Variants in POLA2 observed in about 807,000 individuals in gnomAD.
The protein encoded by POLA2 is DNA polymerase alpha 2, accessory subunit, also known as DNA polymerase alpha subunit B.
POLA2 carries 47 observed loss-of-function variants against 82.8 expected under a neutral mutation model. That is an observed-to-expected ratio of 0.57 (90% CI 0.45 to 0.72). The LOEUF (loss-of-function observed/expected upper bound fraction) is 0.72, where lower values mean the gene tolerates loss of function less well. Ranked by LOEUF, POLA2 falls within the 30% of genes least tolerant of loss-of-function variation. The probability of loss-of-function intolerance (pLI) is 0.00; values close to 1 mark genes in which losing one functional copy is unlikely to be tolerated. For missense variants in POLA2, 634 were observed against 728.1 expected, an observed-to-expected ratio of 0.87 and a Z score of 1.49; for synonymous variants, 287 against 286.8, an observed-to-expected ratio of 1.00 and a Z score of -0.01.
chr11:65,268,334 G>A (rs1949484151), intron 3 of POLA2, among the ~76,000 whole-genome samples: 1 of 151,366 alleles, frequency 6.6e-6, no homozygotes, highest in African/African-American at 2.4e-5. Context: ...TGCCTTATAT[G>A]AAAGTTTATT....
In POLA2 at chr11:65,266,640, A is replaced by T. The variant is rs773637924; in HGVS notation, c.138A>T (p.Ile46=). The T allele has an allele frequency of 1.2e-6, 2 of 1,614,008 alleles. No individual in the cohort carries two copies. Among genetic ancestry groups the T allele is most frequent in the Non-Finnish European group, 1.7e-6 (2 of 1,179,840 alleles). The change falls in exon 2 of 18, where the codon ATA becomes ATT. Residue 46 remains isoleucine, a synonymous_variant. Coordinates refer to ENST00000265465, the MANE Select transcript of POLA2 (RefSeq NM_002689.4). The part of the protein sequence containing the change: ...QNEEGMVGEL[I]AFCTSTHKVG... ...AGGAGGGAATGGTAGGCGAGCTTAT[A>T]GCCTTCTGCACCAGCACACATAAAG...
chr11:65,269,129 T>C lies in POLA2; in HGVS notation c.354+400T>C, dbSNP rs186014537. 5.9e-5 allele frequency among the ~76,000 whole-genome samples: 9 copies of C among 152,320 alleles called. No homozygotes were observed. In the East Asian group the frequency reaches 1.7e-3, roughly 29 times the overall value. On this transcript the variant is annotated intron_variant, in intron 4 of 17. Coordinates refer to ENST00000265465, the MANE Select transcript of POLA2 (RefSeq NM_002689.4). ...CTAGGTGACCTGGAGTGAGTTGTTT[T>C]ATCTCTCTGAGACAGTTTCCTTATC...
chr11:65,294,532 CG>C lies in POLA2; in HGVS notation c.1354-13del. The C allele has an allele frequency of 6.3e-7, 1 of 1,591,346 alleles. No homozygotes were observed. The highest frequency in any genetic ancestry group is 8.6e-7 in the Non-Finnish European group (1 of 1,162,258). Reference sequence around the variant, plus strand: ...TGGCATACAAATGTTTGTTTCAATCCGTTCTCATTTTAGCAAGTACAGTTTG... The same window carrying C: ...TGGCATACAAATGTTTGTTTCAATCCTTCTCATTTTAGCAAGTACAGTTTG... On this transcript the variant is annotated splice_polypyrimidine_tract_variant and intron_variant, in intron 14 of 17. Coordinates refer to ENST00000265465, the MANE Select transcript of POLA2 (RefSeq NM_002689.4).
intron 10 of POLA2, among the ~76,000 whole-genome samples, chr11:65,285,646 A>G (rs1949689424): frequency 6.6e-6 from 1 of 152,112 alleles, no homozygotes; most frequent in East Asian, 1.9e-4. Context: ...GCATGCTGGT[A>G]TTAGGTCAAC....
intron 10 of POLA2, among the ~76,000 whole-genome samples, chr11:65,285,271 A>G (rs1165718981): frequency 6.6e-6 from 1 of 152,078 alleles, no homozygotes; most frequent in Non-Finnish European, 1.5e-5. Flanking sequence ...TTGGCTTGGC[A>G]GCGTGTGCCT....
chr11:65,297,122 T>C lies in POLA2; in HGVS notation c.1650T>C (p.Asp550=), dbSNP rs1465873803. The C allele has an allele frequency of 6.2e-7, 1 of 1,613,892 alleles. No individual in the cohort carries two copies. Among genetic ancestry groups the C allele is most frequent in the African/African-American group, 1.3e-5 (1 of 74,878 alleles). Residue 550 remains aspartate, a splice_region_variant and synonymous_variant, in exon 18 of 18, where the codon GAT becomes GAC. Coordinates refer to ENST00000265465, the MANE Select transcript of POLA2 (RefSeq NM_002689.4). ...IPSELRYFVK[D]VLGCVCVNPG... is the part of the protein sequence containing the mutation. Reference sequence around the variant, plus strand: ...GTCACCTCTCCTCTCCTCCCCAGGATGTCCTCGGCTGTGTCTGTGTGAACC... The same window carrying C: ...GTCACCTCTCCTCTCCTCCCCAGGACGTCCTCGGCTGTGTCTGTGTGAACC...
In POLA2 at chr11:65,279,617, C is replaced by A; in HGVS notation, c.735C>A (p.Ala245=). ...TTGAAGCTTTCACTCCTTTGCTAGC[C>A]CCAGCACAGGTAAGAGTTGTTCTAA... ...YKIEAFTPLL[A]PAQEPVTLLG... is the part of the protein sequence containing the mutation. The change falls in exon 7 of 18, where the codon GCC becomes GCA. Residue 245 remains alanine, a synonymous_variant. Coordinates refer to ENST00000265465, the MANE Select transcript of POLA2 (RefSeq NM_002689.4). 1 of 1,609,128 alleles carries A rather than the reference C, an allele frequency of 6.2e-7. No homozygotes were observed. The highest frequency in any genetic ancestry group is 8.5e-7 in the Non-Finnish European group (1 of 1,175,790).
intron 10 of POLA2, among the ~76,000 whole-genome samples, chr11:65,282,894 C>T (rs1949656149): frequency 6.6e-6 from 1 of 152,156 alleles, no homozygotes; most frequent in Non-Finnish European, 1.5e-5. Flanking sequence ...TTTGGGAGGC[C>T]AAGGTGGGAG....
rs141287498 is a variant in POLA2 at position 65,297,187 on chromosome 11, C to T, written c.1715C>T (p.Ala572Val). The change falls in exon 18 of 18, where the codon GCC becomes GTC. Residue 572 changes from alanine to valine, a missense_variant. By Grantham distance (64) the Ala-to-Val change is moderately conservative. Coordinates refer to ENST00000265465, the MANE Select transcript of POLA2 (RefSeq NM_002689.4). ...LTKGQVGGTFARLYLRRPAAD... is the reference protein window; with the variant it reads ...LTKGQVGGTFVRLYLRRPAAD... ...AAAGGGCAGGTGGGAGGCACCTTCG[C>T]CCGACTCTACCTTAGGAGGCCGGCA... is the stretch of plus-strand genomic sequence containing the variant. 6.2e-7 allele frequency: 1 copy of T among 1,614,032 alleles called. No individual in the cohort carries two copies. Among genetic ancestry groups the T allele is most frequent in the African/African-American group, 1.3e-5 (1 of 74,932 alleles).
At chr11:65,281,577 A>T in intron 8 of POLA2, 93 bp from the exon 9 acceptor site, 1 of 872,172 alleles carries the variant, frequency 1.1e-6, no homozygotes, top group Non-Finnish European at 1.9e-6. Context: ...GAATGAGAGT[A>T]GTTGGACAAT....
chr11:65,290,610 T>TC (rs1163304901), intron 13 of POLA2, among the ~76,000 whole-genome samples: 1 of 152,206 alleles, frequency 6.6e-6, no homozygotes, highest in African/African-American at 2.4e-5. Flanking sequence ...CCCTTGAACT[T>TC]CAAGTGCAAG....
chr11:65,297,346 A>T lies in POLA2; in HGVS notation c.*77A>T. 2 of 1,466,392 alleles carry T rather than the reference A, an allele frequency of 1.4e-6. No individual in the cohort carries two copies. The highest frequency in any genetic ancestry group is 1.8e-6 in the Non-Finnish European group (2 of 1,106,038). The allele number at this position is 1,466,392 out of a possible 1,614,324, so 90.8% of individuals were successfully genotyped here. A position where few individuals can be genotyped will look rare whatever the true frequency, so the allele number is the denominator to read the frequency against. On this transcript the variant is annotated 3_prime_UTR_variant, in exon 18 of 18. Coordinates refer to ENST00000265465, the MANE Select transcript of POLA2 (RefSeq NM_002689.4). The stretch of plus-strand genomic sequence containing the variant: ...AAGAGCCAAGACATAGCCCTGTGAC[A>T]AGGTGAACAGTTGGGTGGGAAAGGA...
intron 7 of POLA2, chr11:65,280,586 A>C (rs1381137930): frequency 6.1e-6 from 1 of 163,486 alleles, no homozygotes; most frequent in East Asian, 1.8e-4. Flanking sequence ...AAAATGCCTA[A>C]GAATACATTT....
Position 65,297,205 on chromosome 11 carries a change from G to A in POLA2, c.1733G>A (p.Arg578Lys), listed in dbSNP as rs921966767. The A allele has an allele frequency of 1.2e-6, 2 of 1,613,924 alleles. No individual in the cohort carries two copies. Among genetic ancestry groups the A allele is most frequent in the African/African-American group, 2.7e-5 (2 of 74,920 alleles). Residue 578 changes from arginine (R) to lysine (K), a missense_variant, in exon 18 of 18, where the codon AGG becomes AAG. By Grantham distance (26) the Arg-to-Lys change is conservative. Transcript: ENST00000265465. ...GGTFARLYLR[R>K]PAADGAERQS... Reference sequence around the variant, plus strand: ...ACCTTCGCCCGACTCTACCTTAGGAGGCCGGCAGCGGACGGGGCAGAGAGG... The same window carrying A: ...ACCTTCGCCCGACTCTACCTTAGGAAGCCGGCAGCGGACGGGGCAGAGAGG...
chr11:65,294,429 T>C (rs1204785073), intron 14 of POLA2, 117 bp from the exon 15 acceptor site: 3 of 992,488 alleles, frequency 3.0e-6, no homozygotes, highest in African/African-American at 1.6e-5. Flanking sequence ...GCTTGATGTA[T>C]GTTGGTTTGG....
At chr11:65,270,900 CAA>C (rs1370645900) in intron 4 of POLA2, among the ~76,000 whole-genome samples, 1 of 152,172 alleles carries the variant, frequency 6.6e-6, no homozygotes, top group Non-Finnish European at 1.5e-5. Context: ...TCCTGATATG[CAA>C]AGTTTGAACC....
At chr11:65,263,956 G>T (rs532454573) in intron 1 of POLA2, among the ~76,000 whole-genome samples, 1 of 152,360 alleles carries the variant, frequency 6.6e-6, no homozygotes, top group African/African-American at 2.4e-5. Context: ...CAAGATGCCA[G>T]TTGCTTTCAT....
chr11:65,282,671 G>A, intron 10 of POLA2, 150 bp downstream of exon 10: 1 of 698,956 alleles, frequency 1.4e-6, no homozygotes, highest in Non-Finnish European at 2.5e-6. Flanking sequence ...GAGTTCGTAG[G>A]TTTTTTGTCA....
chr11:65,288,747 T>C (rs1949724657), intron 11 of POLA2, among the ~76,000 whole-genome samples: 1 of 152,230 alleles, frequency 6.6e-6, no homozygotes, highest in Non-Finnish European at 1.5e-5. Context: ...CTTGAACTCC[T>C]GGGCTCAGGC....
Sources: gnomAD v4.1 joint callset for allele counts (sites outside exome capture counted in the v4.1 genomes callset) on GRCh38, gnomAD v4.1.1 for gene constraint, MANE v1.5 for transcripts, NCBI Gene and HGNC (gene_info 2026-07-23, HGNC 2026-07-21) for gene names.